Variants in SLC16A3 observed in about 807,000 individuals in gnomAD.
SLC16A3 encodes the protein solute carrier family 16 member 3, also known as monocarboxylate transporter 4.
Under a neutral mutation model 25.0 loss-of-function variants are expected in SLC16A3, and 22 were observed. The observed-to-expected ratio is 0.88, with a 90% CI of 0.63 to 1.26. The LOEUF is 1.26. SLC16A3 is among the 50% of genes most tolerant of loss of function. The pLI is 0.00. For synonymous variants in SLC16A3, 390 were observed against 309.2 expected (o/e 1.26, Z -2.74); for missense variants, 731 against 666.6 (o/e 1.10, Z -1.06).
chr17:82,229,437 G>C (rs1056674736), intron 1 of SLC16A3: 33 of 152,386 alleles, frequency 2.2e-4, no homozygotes, highest in African/African-American at 7.9e-4. Flanking sequence ...AGCCCGGTCC[G>C]GGTATAAATA....
In SLC16A3 at chr17:82,238,799, C is replaced by T. The variant is rs552266363; in HGVS notation, c.1221C>T (p.Phe407=). The change falls in exon 5 of 5, where the codon TTC becomes TTT. Residue 407 remains phenylalanine, a synonymous_variant. Transcript: ENST00000582743. ...CCCTGATTTTGCTGCTGGGCAACTT[C>T]TTCTGCATTAGGAAGAAGCCCAAAG... ...TSSLILLLGN[F]FCIRKKPKEP... is the part of the protein sequence containing the mutation. 2.5e-6 allele frequency: 4 copies of T among 1,612,882 alleles called. No individual in the cohort carries two copies. The East Asian group carries it at 6.7e-5, about 27-fold the overall frequency.
At chr17:82,234,584 C>T (rs1456194440) in intron 1 of SLC16A3, 2 of 152,208 alleles carry the variant, frequency 1.3e-5, no homozygotes, top group East Asian at 3.8e-4. Context: ...AAACCATCCT[C>T]GGACCTCTGA....
upstream of SLC16A3, among the ~76,000 whole-genome samples, chr17:82,224,425 T>TG (rs535518201): frequency 1.9e-5 from 1 of 51,656 alleles, no homozygotes; most frequent in Admixed American, 2.1e-4. Context: ...CCCCTACACC[T>TG]TGCAGTCACC....
rs762574412 is a variant in SLC16A3, at chr17:82,237,368, CTGG to C, written c.603_605del (p.Val202del). 2 of 1,541,568 alleles carry C rather than the reference CTGG, an allele frequency of 1.3e-6. No individual in the cohort carries two copies. Among genetic ancestry groups the C allele is most frequent in the Non-Finnish European group, 1.8e-6 (2 of 1,141,546 alleles). ...CGTGTGTGCCGCACTCATGAGGCCC[CTGG>C]TGGTCACGGCCCAGCCGGGCTCGGG... On this transcript the variant is annotated inframe_deletion, in exon 4 of 5. Coordinates refer to ENST00000582743, the MANE Select transcript of SLC16A3 (RefSeq NM_004207.4).
chr17:82,224,905 C>G (rs1216807469), upstream of SLC16A3, among the ~76,000 whole-genome samples: 2 of 152,148 alleles, frequency 1.3e-5, no homozygotes, highest in Admixed American at 6.5e-5. Flanking sequence ...TGTGGTGGGT[C>G]AGGCCCCACT....
rs2050642404 is a variant in SLC16A3 at position 82,237,637 on chromosome 17, G to C, written c.867G>C (p.Lys289Asn). Reference sequence around the variant, plus strand: ...CGGGCTTCGTGGCGGGGCTTGGGAAGGTGCGGCCCTACTCCGTCTACCTCT... The same window carrying C: ...CGGGCTTCGTGGCGGGGCTTGGGAACGTGCGGCCCTACTCCGTCTACCTCT... ...PAAGFVAGLG[K>N]VRPYSVYLFS... Residue 289 changes from lysine to asparagine, a missense_variant, in exon 4 of 5, where the codon AAG (lysine) becomes AAC (asparagine). Coordinates refer to ENST00000582743, the MANE Select transcript of SLC16A3 (RefSeq NM_004207.4). 9 of 1,612,934 alleles carry C rather than the reference G, an allele frequency of 5.6e-6. No individual in the cohort carries two copies. Among genetic ancestry groups the C allele is most frequent in the Non-Finnish European group, 6.8e-6 (8 of 1,179,918 alleles).
intron 2 of SLC16A3, 83 bp downstream of exon 2, chr17:82,236,314 A>C: frequency 1.5e-6 from 2 of 1,296,896 alleles, no homozygotes; most frequent in Non-Finnish European, 1.1e-6. Context: ...GCTCAGCAAC[A>C]GGGCCTTCCG....
At chr17:82,225,969 T>C (rs900979257), upstream of SLC16A3, among the ~76,000 whole-genome samples, 5 of 151,992 alleles carry the variant, frequency 3.3e-5, no homozygotes, top group Non-Finnish European at 2.9e-5. Flanking sequence ...GGGCAGCCCA[T>C]GGGGAGGAAG....
chr17:82,233,874 TC>T (rs1426350145), intron 1 of SLC16A3: 2 of 152,284 alleles, frequency 1.3e-5, no homozygotes, highest in Non-Finnish European at 2.9e-5. Context: ...AGAGTCTCGC[TC>T]TGTGGCCCAG....
upstream of SLC16A3, among the ~76,000 whole-genome samples, chr17:82,224,824 C>A (rs1433275479): frequency 6.6e-6 from 1 of 152,158 alleles, no homozygotes; most frequent in Non-Finnish European, 1.5e-5. Flanking sequence ...CCCCACATAA[C>A]CGGCCCTCTC....
chr17:82,225,806 C>A (rs1462301032), upstream of SLC16A3, among the ~76,000 whole-genome samples: 1 of 152,142 alleles, frequency 6.6e-6, no homozygotes, highest in Non-Finnish European at 1.5e-5. Flanking sequence ...GCTCCCCCGA[C>A]CCTGGAAGGT....
At chr17:82,238,646 G>A (rs895877867) in intron 4 of SLC16A3, 56 bp from the exon 5 acceptor site, 13 of 1,537,742 alleles carry the variant, frequency 8.5e-6, no homozygotes, top group Admixed American at 3.7e-5. Flanking sequence ...GGGTGGAGCC[G>A]TGGGCCCTGG....
chr17:82,221,757 G>A (rs2050390250), intron 1 of SLC16A3, among the ~76,000 whole-genome samples: 2 of 152,034 alleles, frequency 1.3e-5, no homozygotes. Context: ...AAAACAAACA[G>A]GGCTGGTGTG....
At chr17:82,219,220 C>T (rs969236978) in intron 1 of SLC16A3, among the ~76,000 whole-genome samples, 27 of 152,122 alleles carry the variant, frequency 1.8e-4, no homozygotes, top group African/African-American at 4.3e-4. Flanking sequence ...GCCTGGAGGC[C>T]GGGGCAGCGA....
intron 4 of SLC16A3, 118 bp downstream of exon 4, chr17:82,238,011 G>A (rs1599561988): frequency 8.1e-7 from 1 of 1,241,276 alleles, no homozygotes; most frequent in South Asian, 1.4e-5. Flanking sequence ...CTCAGAGCTG[G>A]AGGGGGTGCA....
rs770596608 is a variant in SLC16A3, at chr17:82,238,805, C to CATT, written c.1229_1231dup (p.Ile410dup). ...TTTTGCTGCTGGGCAACTTCTTCTG[C>CATT]ATTAGGAAGAAGCCCAAAGAGCCAC... is the stretch of plus-strand genomic sequence containing the variant. On this transcript the variant is annotated inframe_insertion, in exon 5 of 5. Transcript: ENST00000582743. 20 of 1,612,870 alleles carry CATT rather than the reference C, an allele frequency of 1.2e-5. No individual in the cohort carries two copies. Among genetic ancestry groups the CATT allele is most frequent in the South Asian group, 1.1e-4 (10 of 91,064 alleles).
At chr17:82,223,203 C>T (rs983381733) in intron 1 of SLC16A3, among the ~76,000 whole-genome samples, 2 of 147,574 alleles carry the variant, frequency 1.4e-5, no homozygotes, top group African/African-American at 2.7e-5. Context: ...ATTTCTGAGA[C>T]GGAGTTTCGC....
Position 82,239,184 on chromosome 17 carries a change from G to A in SLC16A3, c.*208G>A. The A allele has an allele frequency of 4.1e-6, 2 of 484,058 alleles. No individual in the cohort carries two copies. The highest frequency in any genetic ancestry group is 7.0e-6 in the Non-Finnish European group (2 of 284,984). 30.0% of individuals were successfully genotyped at this position (484,058 alleles called of 1,614,324 possible). A position where few individuals can be genotyped will look rare whatever the true frequency, so the allele number is the denominator to read the frequency against. ...CAGAGTGGATCTGCGGTGAAGCCAA[G>A]CCGCAAGGTTACAAGGCATCCTCAC... On this transcript the variant is annotated 3_prime_UTR_variant, in exon 5 of 5. Coordinates refer to ENST00000582743, the MANE Select transcript of SLC16A3 (RefSeq NM_004207.4).
intron 1 of SLC16A3, among the ~76,000 whole-genome samples, chr17:82,221,790 G>A (rs538513404): frequency 1.3e-5 from 2 of 152,188 alleles, no homozygotes; most frequent in South Asian, 2.1e-4. Context: ...TGGAGTCTCA[G>A]CCAGGCAGGA....
Sources: allele counts gnomAD v4.1 joint callset (sites outside exome capture counted in the v4.1 genomes callset), GRCh38; gene constraint gnomAD v4.1.1; transcripts MANE v1.5; gene names NCBI Gene and HGNC (gene_info 2026-07-23, HGNC 2026-07-21).